ADGRA3: variants seen among roughly 807,000 people sequenced by gnomAD.
ADGRA3 encodes the protein adhesion G protein-coupled receptor A3.
ADGRA3 carries 56 observed loss-of-function variants against 119.8 expected under a neutral mutation model. The ratio of observed to expected loss-of-function variants is 0.47; its 90% CI spans 0.38 to 0.58. ADGRA3 has a LOEUF of 0.58. ADGRA3 is among the 20% of genes least tolerant of loss of function. The probability of loss-of-function intolerance (pLI) is 0.00; values close to 1 mark genes in which losing one functional copy is unlikely to be tolerated. For missense variants in ADGRA3, 1,516 were observed against 1,649.0 expected (o/e 0.92, Z 1.40); for synonymous variants, 607 against 623.8 (o/e 0.97, Z 0.40).
chr4:22,506,769 A>C (rs1334383785), intron 1 of ADGRA3, among the ~76,000 whole-genome samples: 1 of 152,178 alleles, frequency 6.6e-6, no homozygotes, highest in Admixed American at 6.5e-5. Context: ...AATCCTTGGG[A>C]GGAATAGTGT....
At chr4:22,398,694 A>C (rs1029316586) in intron 16 of ADGRA3, among the ~76,000 whole-genome samples, 5 of 151,986 alleles carry the variant, frequency 3.3e-5, no homozygotes, top group Admixed American at 6.6e-5. Context: ...TCAACTTTTC[A>C]CTTAAAACTA....
At chr4:22,494,022 G>A (rs79088420) in intron 1 of ADGRA3, among the ~76,000 whole-genome samples, 1 of 151,938 alleles carries the variant, frequency 6.6e-6, no homozygotes, top group Non-Finnish European at 1.5e-5. Flanking sequence ...GACCAACATG[G>A]TGAAACCCCG....
At chr4:22,479,282 T>C (rs1301508750) in intron 1 of ADGRA3, among the ~76,000 whole-genome samples, 1 of 151,798 alleles carries the variant, frequency 6.6e-6, no homozygotes, top group Non-Finnish European at 1.5e-5. Context: ...GCTAACACAG[T>C]GAAACACCAT....
intron 15 of ADGRA3, 98 bp downstream of exon 15, chr4:22,402,577 C>T (rs1360450542): frequency 6.5e-6 from 8 of 1,223,190 alleles, no homozygotes; most frequent in Non-Finnish European, 9.2e-6. Flanking sequence ...TTTGGAAATA[C>T]AGGATGATAA....
At chr4:22,436,373 T>G (rs1358013078) in intron 9 of ADGRA3, 67 bp downstream of exon 9, 2 of 1,172,664 alleles carry the variant, frequency 1.7e-6, no homozygotes, top group African/African-American at 1.6e-5. Flanking sequence ...AAAAAAAAAC[T>G]TATGTATTTG....
intron 16 of ADGRA3, among the ~76,000 whole-genome samples, chr4:22,396,978 A>G (rs1050557625): frequency 1.1e-4 from 16 of 152,130 alleles, no homozygotes; most frequent in African/African-American, 4.8e-5. Context: ...TTTAGACACA[A>G]TGAAGACCTT....
intron 1 of ADGRA3, among the ~76,000 whole-genome samples, chr4:22,480,811 GTGT>G (rs1262440124): frequency 6.6e-6 from 1 of 152,194 alleles, no homozygotes; most frequent in Non-Finnish European, 1.5e-5. Flanking sequence ...GAAAGATGCA[GTGT>G]TGTAGGACTC....
intron 14 of ADGRA3, among the ~76,000 whole-genome samples, chr4:22,410,172 T>C (rs1397638965): frequency 6.6e-6 from 1 of 152,192 alleles, no homozygotes; most frequent in Non-Finnish European, 1.5e-5. Context: ...TTCATATTTT[T>C]AGGTGAACAC....
chr4:22,464,965 G>A (rs1717604055), intron 2 of ADGRA3, among the ~76,000 whole-genome samples: 1 of 152,094 alleles, frequency 6.6e-6, no homozygotes, highest in African/African-American at 2.4e-5. Context: ...CTGCTTCTGG[G>A]GAAATCAGCC....
chr4:22,496,323 C>G (rs1718824268), intron 1 of ADGRA3, among the ~76,000 whole-genome samples: 1 of 152,134 alleles, frequency 6.6e-6, no homozygotes, highest in Non-Finnish European at 1.5e-5. Flanking sequence ...TGCCTCACTT[C>G]CTCAAGCACA....
intron 1 of ADGRA3, among the ~76,000 whole-genome samples, chr4:22,498,537 G>A (rs1718928745): frequency 6.6e-6 from 1 of 151,960 alleles, no homozygotes; most frequent in African/African-American, 2.4e-5. Flanking sequence ...AGAATCACTT[G>A]AACCAGGAAG....
At chr4:22,414,073 CAA>C (rs925147646) in intron 12 of ADGRA3, 7 of 328,358 alleles carry the variant, frequency 2.1e-5, no homozygotes, top group Admixed American at 4.5e-5. Flanking sequence ...TTCAAATTAA[CAA>C]AGTTAATTTT....
At chr4:22,419,358 T>C (rs1715556062) in intron 12 of ADGRA3, among the ~76,000 whole-genome samples, 1 of 152,220 alleles carries the variant, frequency 6.6e-6, no homozygotes, top group Non-Finnish European at 1.5e-5. Context: ...TTTTATGCCA[T>C]TAACATTAGA....
intron 1 of ADGRA3, among the ~76,000 whole-genome samples, chr4:22,475,244 T>C (rs909666496): frequency 3.3e-5 from 5 of 152,122 alleles, no homozygotes; most frequent in African/African-American, 7.2e-5. Flanking sequence ...TCACGAACAG[T>C]AGAAGGAATT....
chr4:22,407,220 G>A (rs565481704), intron 14 of ADGRA3, among the ~76,000 whole-genome samples: 2 of 152,180 alleles, frequency 1.3e-5, no homozygotes, highest in Non-Finnish European at 2.9e-5. Flanking sequence ...GCAGTGAGCC[G>A]AGATCAAGCC....
At chr4:22,408,727 G>A (rs1021158584) in intron 14 of ADGRA3, among the ~76,000 whole-genome samples, 38 of 152,164 alleles carry the variant, frequency 2.5e-4, no homozygotes, top group African/African-American at 9.2e-4. Context: ...CAACTGCATG[G>A]CTTTAGCTAC....
intron 3 of ADGRA3, among the ~76,000 whole-genome samples, chr4:22,460,216 G>A (rs565472281): frequency 2.3e-4 from 35 of 152,210 alleles, no homozygotes; most frequent in African/African-American, 6.0e-4. Context: ...CTGTTACAGC[G>A]CCTGTGTGTG....
intron 3 of ADGRA3, among the ~76,000 whole-genome samples, chr4:22,457,079 T>C (rs1190718059): frequency 3.9e-5 from 6 of 152,182 alleles, no homozygotes; most frequent in Non-Finnish European, 7.4e-5. Flanking sequence ...CAATCACCAT[T>C]GATTCTCTGG....
At chr4:22,422,130 A>T (rs756565046) in intron 11 of ADGRA3, among the ~76,000 whole-genome samples, 4 of 152,102 alleles carry the variant, frequency 2.6e-5, no homozygotes, top group South Asian at 2.1e-4. Flanking sequence ...CACATCCAGC[A>T]GAGTGACAGG....
Sources: gnomAD v4.1 joint callset for allele counts (sites outside exome capture counted in the v4.1 genomes callset) on GRCh38, gnomAD v4.1.1 for gene constraint, MANE v1.5 for transcripts, NCBI Gene and HGNC (gene_info 2026-07-23, HGNC 2026-07-21) for gene names.